The following CHN2 variants were observed in gnomAD, a reference collection of about 807,000 sequenced individuals.
The protein encoded by CHN2 is chimerin 2, also known as beta-chimaerin.
CHN2 carries 35 observed loss-of-function variants against 56.3 expected under a neutral mutation model. The observed-to-expected ratio is 0.62, with a 90% CI of 0.47 to 0.82. The LOEUF is 0.82. Ranked by LOEUF, CHN2 falls within the 40% of genes least tolerant of loss-of-function variation. The probability of loss-of-function intolerance (pLI) is 0.00; values close to 1 mark genes in which losing one functional copy is unlikely to be tolerated. For synonymous variants in CHN2, 210 were observed against 212.8 expected (o/e 0.99, Z 0.12); for missense variants, 491 against 580.5 (o/e 0.85, Z 1.58).
At chr7:29,242,721 T>C (rs245960) in intron 1 of CHN2, among the ~76,000 whole-genome samples, 29,584 of 139,150 alleles carry the variant, frequency 0.21, 3,244 homozygotes, top group African/African-American at 0.24. Flanking sequence ...TGAGATACTT[T>C]ATAGTCTGGA....
chr7:29,394,696 G>T, intron 4 of CHN2, among the ~76,000 whole-genome samples: 1 of 152,154 alleles, frequency 6.6e-6, no homozygotes, highest in Non-Finnish European at 1.5e-5. Flanking sequence ...TTGTAGTATG[G>T]CTTTTTTTCC....
At chr7:29,511,390 T>G (rs1791371212) in intron 12 of CHN2, among the ~76,000 whole-genome samples, 1 of 152,236 alleles carries the variant, frequency 6.6e-6, no homozygotes, top group African/African-American at 2.4e-5. Flanking sequence ...AATATCCAGT[T>G]GTTACAGTTT....
chr7:29,260,499 A>C (rs998724668), intron 1 of CHN2, among the ~76,000 whole-genome samples: 4 of 151,964 alleles, frequency 2.6e-5, no homozygotes, highest in African/African-American at 7.2e-5. Context: ...GTGAAGGTCC[A>C]TTGCAGTGAG....
At chr7:29,350,370 G>A (rs1562537501) in intron 1 of CHN2, among the ~76,000 whole-genome samples, 2 of 152,150 alleles carry the variant, frequency 1.3e-5, no homozygotes, top group Non-Finnish European at 2.9e-5. Flanking sequence ...AAATATGTGT[G>A]TGTGTTGGTG....
intron 2 of CHN2, among the ~76,000 whole-genome samples, chr7:29,154,134 A>G (rs1238383291): frequency 6.6e-6 from 1 of 152,144 alleles, no homozygotes; most frequent in African/African-American, 2.4e-5. Flanking sequence ...TTGTCACCAC[A>G]TCACAGCCTC....
At chr7:29,197,161 C>A (rs1783800914) in intron 1 of CHN2, among the ~76,000 whole-genome samples, 1 of 152,186 alleles carries the variant, frequency 6.6e-6, no homozygotes, top group Admixed American at 6.5e-5. Context: ...TGGGCTCTCT[C>A]AGGGGAAGGC....
chr7:29,293,377 C>CGG (rs1792833103), intron 1 of CHN2, among the ~76,000 whole-genome samples: 4 of 88,122 alleles, frequency 4.5e-5, no homozygotes, highest in Admixed American at 3.7e-4. Context: ...CCCCCCCCCC[C>CGG]ATATTAACTC....
intron 9 of CHN2, among the ~76,000 whole-genome samples, chr7:29,503,272 G>A (rs1268205662): frequency 6.6e-6 from 1 of 152,156 alleles, no homozygotes; most frequent in Non-Finnish European, 1.5e-5. Context: ...CATATACCAA[G>A]GAAAGGACGT....
intron 3 of CHN2, among the ~76,000 whole-genome samples, chr7:29,373,788 C>T (rs1799807462): frequency 6.6e-6 from 1 of 152,194 alleles, no homozygotes; most frequent in Admixed American, 6.5e-5. Context: ...AAGATCTTAA[C>T]AGGCCATATT....
intron 6 of CHN2, among the ~76,000 whole-genome samples, chr7:29,435,543 T>C (rs1401728383): frequency 6.6e-6 from 1 of 152,240 alleles, no homozygotes; most frequent in East Asian, 1.9e-4. Context: ...TGCAGCATGG[T>C]ACTGTACTGA....
intron 7 of CHN2, 34 bp from the exon 8 acceptor site, chr7:29,495,918 G>T: frequency 6.3e-7 from 1 of 1,592,134 alleles, no homozygotes. Flanking sequence ...ATGACTCTGA[G>T]CTTTCTGACA....
chr7:29,511,474 C>G (rs563073815), intron 12 of CHN2, among the ~76,000 whole-genome samples: 2 of 152,276 alleles, frequency 1.3e-5, no homozygotes, highest in East Asian at 1.9e-4. Flanking sequence ...AATACTGTAT[C>G]TTTATCATAG....
chr7:29,390,295 G>T (rs933313102), intron 3 of CHN2, among the ~76,000 whole-genome samples: 1 of 152,146 alleles, frequency 6.6e-6, no homozygotes, highest in Non-Finnish European at 1.5e-5. Context: ...CTCTTAAAAA[G>T]AATGAGCTGC....
At chr7:29,185,797 G>A (rs1798639876) in intron 2 of CHN2, among the ~76,000 whole-genome samples, 1 of 152,134 alleles carries the variant, frequency 6.6e-6, no homozygotes, top group Non-Finnish European at 1.5e-5. Context: ...CTCCAAGCTT[G>A]TTGGAAATTC....
At chr7:29,305,917 TAGAC>T (rs1794119933) in intron 1 of CHN2, among the ~76,000 whole-genome samples, 1 of 142,196 alleles carries the variant, frequency 7.0e-6, no homozygotes, top group African/African-American at 2.6e-5. Context: ...CATCCAAACT[TAGAC>T]ACATGCTTAC....
intron 9 of CHN2, among the ~76,000 whole-genome samples, chr7:29,503,473 C>A (rs1258095747): frequency 6.6e-6 from 1 of 152,194 alleles, no homozygotes; most frequent in African/African-American, 2.4e-5. Flanking sequence ...CATCTTAGAA[C>A]AGGATGACCC....
At chr7:29,308,908 G>A (rs1794371348) in intron 1 of CHN2, among the ~76,000 whole-genome samples, 1 of 152,132 alleles carries the variant, frequency 6.6e-6, no homozygotes, top group Non-Finnish European at 1.5e-5. Context: ...TCCTCTCCAA[G>A]ACCAGAAGGG....
At chr7:29,503,280 C>T (rs895288115) in intron 9 of CHN2, among the ~76,000 whole-genome samples, 5 of 152,262 alleles carry the variant, frequency 3.3e-5, no homozygotes, top group South Asian at 4.2e-4. Context: ...AAGGAAAGGA[C>T]GTGTGAGAGA....
chr7:29,276,100 T>C (rs1434889214), intron 1 of CHN2, among the ~76,000 whole-genome samples: 3 of 151,898 alleles, frequency 2.0e-5, no homozygotes, highest in Non-Finnish European at 4.4e-5. Context: ...CATTAGTATT[T>C]GGGGGAAGGA....
Sources: gnomAD v4.1 joint callset for allele counts (sites outside exome capture counted in the v4.1 genomes callset) on GRCh38, gnomAD v4.1.1 for gene constraint, MANE v1.5 for transcripts, NCBI Gene and HGNC (gene_info 2026-07-23, HGNC 2026-07-21) for gene names.